The following ZNF140 variants were observed in gnomAD, a reference collection of about 807,000 sequenced individuals.
The protein encoded by ZNF140 is zinc finger protein 140.
ZNF140 carries 13 observed loss-of-function variants against 12.9 expected under a neutral mutation model. The observed-to-expected ratio is 1.01, with a 90% CI of 0.66 to 1.60. The LOEUF is 1.60. Ranked by LOEUF, ZNF140 falls within the 40% of genes most tolerant of loss-of-function variation. ZNF140 has a pLI of 0.00. For synonymous variants in ZNF140, 214 were observed against 186.7 expected, an observed-to-expected ratio of 1.15 and a Z score of -1.19; for missense variants, 531 against 548.8, an observed-to-expected ratio of 0.97 and a Z score of 0.32.
intron 4 of ZNF140, among the ~76,000 whole-genome samples, chr12:133,101,747 A>T (rs1395937746): frequency 6.6e-6 from 1 of 152,160 alleles, no homozygotes; most frequent in Non-Finnish European, 1.5e-5. Flanking sequence ...CTGGCCCATT[A>T]CAGGAATTTT....
At chr12:133,088,844 G>C (rs1288874779) in intron 4 of ZNF140, among the ~76,000 whole-genome samples, 1 of 152,180 alleles carries the variant, frequency 6.6e-6, no homozygotes, top group Non-Finnish European at 1.5e-5. Context: ...CTGTTGATGT[G>C]ATGGATTATA....
At chr12:133,095,932 G>A (rs961176986) in intron 4 of ZNF140, among the ~76,000 whole-genome samples, 36 of 151,644 alleles carry the variant, frequency 2.4e-4, no homozygotes, top group Non-Finnish European at 4.0e-4. Flanking sequence ...ATGTACAATC[G>A]GGTTTTATAC....
intron 4 of ZNF140, among the ~76,000 whole-genome samples, chr12:133,091,130 G>A (rs879092326): frequency 1.3e-5 from 2 of 149,778 alleles, no homozygotes; most frequent in South Asian, 2.1e-4. Context: ...CGGGCTGGGG[G>A]ACGGTCAGGT....
upstream of ZNF140, chr12:133,080,454 T>G (rs1168580771): frequency 1.3e-5 from 2 of 152,382 alleles, no homozygotes; most frequent in African/African-American, 2.4e-5. Context: ...GTCGCGGTTG[T>G]TTCTGGGAAG....
chr12:133,099,556 C>G (rs1478479941), intron 4 of ZNF140, among the ~76,000 whole-genome samples: 1 of 152,124 alleles, frequency 6.6e-6, no homozygotes, highest in Non-Finnish European at 1.5e-5. Context: ...GGTGCAGTGG[C>G]TCACACTTGG....
chr12:133,103,070 G>A (rs1259881076), intron 4 of ZNF140, among the ~76,000 whole-genome samples: 1 of 152,074 alleles, frequency 6.6e-6, no homozygotes, highest in Admixed American at 6.5e-5. Flanking sequence ...GAAGTACAAT[G>A]TGATGTTTCA....
intron 2 of ZNF140, chr12:133,082,490 ACT>A (rs1372583754): frequency 6.6e-6 from 1 of 152,566 alleles, no homozygotes; most frequent in Non-Finnish European, 1.5e-5. Context: ...ATTCCCCCTA[ACT>A]CTGAGGGAAA....
At chr12:133,083,374 G>A (rs1954567044) in intron 3 of ZNF140, 92 bp from the exon 4 acceptor site, 6 of 1,512,356 alleles carry the variant, frequency 4.0e-6, no homozygotes, top group African/African-American at 1.4e-5. Context: ...CTTATTTTTA[G>A]ACATTTTAAA....
chr12:133,084,946 A>G (rs1177119575), intron 4 of ZNF140, among the ~76,000 whole-genome samples: 1 of 152,234 alleles, frequency 6.6e-6, no homozygotes, highest in African/African-American at 2.4e-5. Context: ...TTTTGAATTA[A>G]AAAATAACAA....
rs1358935761 is a variant in ZNF140 at position 133,084,104 on chromosome 12, C to G, written c.232+543C>G. The G allele has an allele frequency of 9.7e-6, 4 of 413,924 alleles. No homozygotes were observed. In the Admixed American group the frequency reaches 1.4e-4, roughly 14 times the overall value. The allele number at this position is 413,924 out of a possible 1,614,324, so 25.6% of individuals were successfully genotyped here. A position where few individuals can be genotyped will look rare whatever the true frequency, so the allele number is the denominator to read the frequency against. ...CAGTTCTCACCTTATACTTTCTTTT[C>G]TTTCTCACAGGTGTCTTTTTTGTTC... On this transcript the variant is annotated intron_variant, in intron 4 of 4. Transcript: ENST00000355557.
Position 133,106,471 on chromosome 12 carries a change from T to TTC in ZNF140, c.1195_1196dup (p.Leu400ProfsTer92). On this transcript the variant is annotated frameshift_variant, in exon 5 of 5. Coordinates refer to ENST00000355557, the MANE Select transcript of ZNF140 (RefSeq NM_003440.4). LOFTEE classifies it low-confidence loss of function (END_TRUNC). ...GTGATAAAGCCTTCAGCCGGAGCTT[T>TTC]TCCCTCATTCTACATCAGAGAACTC... 2 of 1,613,930 alleles carry TTC rather than the reference T, an allele frequency of 1.2e-6. No individual in the cohort carries two copies. Among genetic ancestry groups the TTC allele is most frequent in the Non-Finnish European group, 1.7e-6 (2 of 1,179,960 alleles).
At chr12:133,095,346 CGA>C (rs1489530846) in intron 4 of ZNF140, among the ~76,000 whole-genome samples, 2 of 150,852 alleles carry the variant, frequency 1.3e-5, no homozygotes, top group African/African-American at 2.5e-5. Context: ...TGGATTCCTC[CGA>C]GCGCACAAGC....
chr12:133,096,139 C>T (rs747223649), intron 4 of ZNF140, among the ~76,000 whole-genome samples: 4,549 of 149,168 alleles, frequency 0.03, 75 homozygotes, highest in Non-Finnish European at 0.047. Flanking sequence ...GACAATACCC[C>T]GCTTCCAAGG....
rs951484741 is a variant in ZNF140, at chr12:133,104,507, A to T, written c.233-1003A>T. Among the ~76,000 whole-genome samples, 1,317 of 152,136 alleles carry T rather than the reference A, an allele frequency of 8.7e-3. 20 individuals carry two copies. Among genetic ancestry groups the T allele is most frequent in the African/African-American group, 0.031 (1,267 of 41,490 alleles). On this transcript the variant is annotated intron_variant, in intron 4 of 4. Transcript: ENST00000355557. ...CCTGGGACTACAGGTGCATGCCATCACGCCTGGCTAATTTTTTGTATTCTT... is the reference window on the plus strand; with the variant it reads ...CCTGGGACTACAGGTGCATGCCATCTCGCCTGGCTAATTTTTTGTATTCTT...
At chr12:133,090,567 G>T (rs1235241312) in intron 4 of ZNF140, among the ~76,000 whole-genome samples, 2 of 151,942 alleles carry the variant, frequency 1.3e-5, no homozygotes, top group Non-Finnish European at 2.9e-5. Context: ...CACACCTGTG[G>T]GTATTTCTAG....
rs1295533063 is a variant in ZNF140 at position 133,093,003 on chromosome 12, T to C, written c.232+9442T>C. Among the ~76,000 whole-genome samples, 5 of 151,154 alleles carry C rather than the reference T, an allele frequency of 3.3e-5. 1 individual carries two copies. Among genetic ancestry groups the C allele is most frequent in the African/African-American group, 9.8e-5 (4 of 40,778 alleles). ...TGTAAATTATTCATTTGTGACCCGATTGACATTCCACTTACCATGTGATAA... is the reference window on the plus strand; with the variant it reads ...TGTAAATTATTCATTTGTGACCCGACTGACATTCCACTTACCATGTGATAA... On this transcript the variant is annotated intron_variant, in intron 4 of 4. Coordinates refer to ENST00000355557, the MANE Select transcript of ZNF140 (RefSeq NM_003440.4).
intron 4 of ZNF140, among the ~76,000 whole-genome samples, chr12:133,086,957 T>C (rs1055394297): frequency 3.3e-5 from 5 of 152,246 alleles, no homozygotes; most frequent in African/African-American, 1.2e-4. Flanking sequence ...TTCTAGGTTC[T>C]CAATTCTCTT....
In ZNF140 at chr12:133,100,167, T is replaced by G. The variant is rs1429777298; in HGVS notation, c.233-5343T>G. Among the ~76,000 whole-genome samples the G allele has an allele frequency of 1.1e-4, 15 of 133,846 alleles. No individual in the cohort carries two copies. The East Asian group carries it at 1.7e-3, about 15-fold the overall frequency. The allele number at this position is 133,846 out of a possible 152,430, so 87.8% of individuals were successfully genotyped here. A position where few individuals can be genotyped will look rare whatever the true frequency, so the allele number is the denominator to read the frequency against. On this transcript the variant is annotated intron_variant, in intron 4 of 4. Coordinates refer to ENST00000355557, the MANE Select transcript of ZNF140 (RefSeq NM_003440.4). ...AAATTTAATGCCTTTTCCGTTTTTT[T>G]TTTTTTTTTTTTTTTTTTTTGGCAG... is the stretch of plus-strand genomic sequence containing the variant.
At chr12:133,095,203 C>T (rs995969343) in intron 4 of ZNF140, among the ~76,000 whole-genome samples, 2 of 151,040 alleles carry the variant, frequency 1.3e-5, no homozygotes, top group Admixed American at 6.6e-5. Context: ...AAACCATGGG[C>T]AGAATTGTTC....
Sources: gnomAD v4.1 joint callset for allele counts (sites outside exome capture counted in the v4.1 genomes callset) on GRCh38, gnomAD v4.1.1 for gene constraint, MANE v1.5 for transcripts, NCBI Gene and HGNC (gene_info 2026-07-23, HGNC 2026-07-21) for gene names.